DNAH8: variants seen among roughly 807,000 people sequenced by gnomAD.
The protein encoded by DNAH8 is dynein axonemal heavy chain 8.
Under a neutral mutation model 562.1 loss-of-function variants are expected in DNAH8, and 382 were observed. That is an observed-to-expected ratio of 0.68 (90% CI 0.63 to 0.74). The LOEUF (loss-of-function observed/expected upper bound fraction) is 0.74. DNAH8 is among the 30% of genes least tolerant of loss of function. The pLI is 0.00. For missense variants in DNAH8, 5,203 were observed against 5,620.4 expected, an observed-to-expected ratio of 0.93 and a Z score of 2.37; for synonymous variants, 1,881 against 1,919.4, an observed-to-expected ratio of 0.98 and a Z score of 0.52.
rs45622336 is a variant in DNAH8, at chr6:38,837,977, G to C, written c.4401G>C (p.Thr1467=). ...SFDDLWRKFV[T]YSSGEQLFGL... is the part of the protein sequence containing the mutation. Reference sequence around the variant, plus strand: ...ATGATCTGTGGAGGAAATTTGTTACGTATTCATCTGGTGAACAACTTTTTG... The same window carrying C: ...ATGATCTGTGGAGGAAATTTGTTACCTATTCATCTGGTGAACAACTTTTTG... Residue 1467 remains threonine (T), a synonymous_variant, in exon 33 of 93, where the codon ACG becomes ACC. Transcript: ENST00000327475. 1.9e-6 allele frequency: 3 copies of C among 1,612,980 alleles called. No individual in the cohort carries two copies. Among genetic ancestry groups the C allele is most frequent in the Non-Finnish European group, 1.7e-6 (2 of 1,179,504 alleles).
chr6:38,937,893 T>G (rs2150592004), intron 77 of DNAH8, 81 bp from the exon 78 acceptor site: 4 of 1,471,628 alleles, frequency 2.7e-6, no homozygotes, highest in Non-Finnish European at 1.8e-6. Context: ...CTAACAGCGT[T>G]TTTTTTTTTT....
chr6:38,814,443 T>A (rs1772068996), intron 25 of DNAH8, among the ~76,000 whole-genome samples: 1 of 152,056 alleles, frequency 6.6e-6, no homozygotes, highest in Admixed American at 6.5e-5. Flanking sequence ...TAGCCAGTTG[T>A]GGTGGTAGGT....
intron 11 of DNAH8, chr6:38,763,275 T>C: frequency 4.1e-6 from 1 of 245,394 alleles, no homozygotes; most frequent in Admixed American, 5.1e-5. Flanking sequence ...TTCCAGATGG[T>C]CCAAAAAAAG....
chr6:38,835,376 TGAA>T (rs1161524140), intron 32 of DNAH8, among the ~76,000 whole-genome samples: 1 of 150,868 alleles, frequency 6.6e-6, no homozygotes, highest in Admixed American at 6.6e-5. Flanking sequence ...AGAAATTTGA[TGAA>T]GAAGTGGTTC....
intron 91 of DNAH8, among the ~76,000 whole-genome samples, chr6:39,018,055 G>A (rs1323183855): frequency 2.0e-5 from 3 of 152,154 alleles, no homozygotes; most frequent in Non-Finnish European, 4.4e-5. Context: ...GGGAAATCTA[G>A]GTGAGTGGAC....
chr6:38,729,796 T>C, intron 3 of DNAH8, 106 bp from the exon 4 acceptor site: 1 of 644,432 alleles, frequency 1.6e-6, no homozygotes, highest in Non-Finnish European at 2.7e-6. Flanking sequence ...TAATCTTGCC[T>C]TTATGTACCT....
chr6:38,915,789 C>A (rs1199749212), intron 68 of DNAH8, among the ~76,000 whole-genome samples: 1 of 152,032 alleles, frequency 6.6e-6, no homozygotes, highest in Non-Finnish European at 1.5e-5. Context: ...GCAAAAGGGG[C>A]ACAGCTTTGG....
intron 4 of DNAH8, among the ~76,000 whole-genome samples, chr6:38,730,205 A>G (rs1434943713): frequency 6.6e-6 from 1 of 152,220 alleles, no homozygotes; most frequent in African/African-American, 2.4e-5. Flanking sequence ...ATCCTTGTAG[A>G]AATCACTGGC....
chr6:38,851,783 C>T (rs959388769), intron 39 of DNAH8, 109 bp downstream of exon 39: 1 of 731,362 alleles, frequency 1.4e-6, no homozygotes, highest in African/African-American at 1.8e-5. Flanking sequence ...AAGAGTATTA[C>T]AAATTACATT....
At chr6:38,988,818 C>T (rs1036329213) in intron 87 of DNAH8, among the ~76,000 whole-genome samples, 6 of 152,198 alleles carry the variant, frequency 3.9e-5, no homozygotes, top group Admixed American at 2.6e-4. Flanking sequence ...TTGAGAAGAC[C>T]TCAGCTGACA....
At chr6:38,752,259 G>T (rs903254642) in intron 9 of DNAH8, among the ~76,000 whole-genome samples, 1 of 151,336 alleles carries the variant, frequency 6.6e-6, no homozygotes, top group Non-Finnish European at 1.5e-5. Flanking sequence ...CGCCTCCCGG[G>T]TTCAAGCAAT....
chr6:38,882,488 A>T (rs373206943), intron 53 of DNAH8, among the ~76,000 whole-genome samples: 1 of 152,202 alleles, frequency 6.6e-6, no homozygotes, highest in South Asian at 2.1e-4. Flanking sequence ...CGTATTTTCA[A>T]TTATAAGTGG....
At position 38,894,077 on chromosome 6, in the gene DNAH8, A is replaced by T. The variant is rs139779142; in HGVS notation, c.8584-624A>T. ...TTGTGCTCAAACAGAAAAAACATCT[A>T]TTACTATACGTATAGCTGCATGTCA... On this transcript the variant is annotated intron_variant, in intron 58 of 92. Coordinates refer to ENST00000327475, the MANE Select transcript of DNAH8 (RefSeq NM_001206927.2). Among the ~76,000 whole-genome samples the T allele has an allele frequency of 2.2e-4, 34 of 152,280 alleles. No individual in the cohort carries two copies. The East Asian group carries it at 6.0e-3, about 27-fold the overall frequency.
chr6:38,849,642 T>G (rs1222202479), intron 37 of DNAH8, among the ~76,000 whole-genome samples: 2 of 150,598 alleles, frequency 1.3e-5, no homozygotes, highest in Non-Finnish European at 3.0e-5. Flanking sequence ...TAAACTGAAA[T>G]GTATCATTTT....
chr6:38,971,723 G>C (rs776317944), intron 83 of DNAH8, 58 bp downstream of exon 83: 7 of 1,321,598 alleles, frequency 5.3e-6, no homozygotes, highest in Non-Finnish European at 4.2e-6. Flanking sequence ...CCACAATCAT[G>C]GATGTTACCA....
chr6:38,719,702 C>T (rs1174529374), intron 1 of DNAH8, among the ~76,000 whole-genome samples: 4 of 152,168 alleles, frequency 2.6e-5, no homozygotes, highest in Non-Finnish European at 5.9e-5. Flanking sequence ...CATTACAGCT[C>T]ATTCCCTCTA....
At chr6:38,952,802 C>T (rs1333794012) in intron 82 of DNAH8, among the ~76,000 whole-genome samples, 5 of 152,282 alleles carry the variant, frequency 3.3e-5, no homozygotes, top group African/African-American at 1.2e-4. Context: ...ATGCAAAGAG[C>T]TCCCAGGTTC....
chr6:38,982,375 G>A lies in DNAH8; in HGVS notation c.12864G>A (p.Trp4288Ter). Reference sequence around the variant, plus strand: ...GACGAAAATTTGGCCCCTTAGGATGGAATATTCCCTACGAATTCAATTCTG... The same window carrying A: ...GACGAAAATTTGGCCCCTTAGGATGAAATATTCCCTACGAATTCAATTCTG... ...QERRKFGPLG[W>*]NIPYEFNSAD... Residue 4288 changes from tryptophan to a stop codon, truncating the protein, a stop_gained, in exon 86 of 93, where the codon TGG becomes TGA. Coordinates refer to ENST00000327475, the MANE Select transcript of DNAH8 (RefSeq NM_001206927.2). LOFTEE classifies it high-confidence loss of function. The A allele has an allele frequency of 6.2e-7, 1 of 1,610,350 alleles. No homozygotes were observed. The highest frequency in any genetic ancestry group is 8.5e-7 in the Non-Finnish European group (1 of 1,176,834).
intron 71 of DNAH8, among the ~76,000 whole-genome samples, chr6:38,921,896 T>A (rs940217478): frequency 2.0e-5 from 3 of 151,802 alleles, no homozygotes; most frequent in African/African-American, 7.3e-5. Context: ...TTTATAGGAT[T>A]TAGGTAGGTA....
Sources: gnomAD v4.1 joint callset for allele counts (sites outside exome capture counted in the v4.1 genomes callset) on GRCh38, gnomAD v4.1.1 for gene constraint, MANE v1.5 for transcripts, NCBI Gene and HGNC (gene_info 2026-07-23, HGNC 2026-07-21) for gene names.